Variants in RSPO2 observed in about 807,000 individuals in gnomAD.
RSPO2 encodes R-spondin 2.
RSPO2 carries 14 observed loss-of-function variants against 30.9 expected under a neutral mutation model. The ratio of observed to expected loss-of-function variants is 0.45; its 90% CI spans 0.30 to 0.71. RSPO2 has a LOEUF of 0.71. Ranked by LOEUF, RSPO2 falls within the 30% of genes least tolerant of loss-of-function variation. The pLI is 0.08. For missense variants in RSPO2, 264 were observed against 301.9 expected (o/e 0.87, Z 0.93); for synonymous variants, 107 against 96.4 (o/e 1.11, Z -0.64).
chr8:107,908,220 C>T (rs986309477), intron 5 of RSPO2, among the ~76,000 whole-genome samples: 1 of 152,064 alleles, frequency 6.6e-6, no homozygotes, highest in African/African-American at 2.4e-5. Flanking sequence ...TAAGAATATT[C>T]CATAACCTTT....
At chr8:108,059,885 G>A (rs1428310299) in intron 2 of RSPO2, among the ~76,000 whole-genome samples, 5 of 148,434 alleles carry the variant, frequency 3.4e-5, no homozygotes, top group Non-Finnish European at 4.4e-5. Flanking sequence ...ATAGCTTTAG[G>A]AGATATACCT....
intron 5 of RSPO2, among the ~76,000 whole-genome samples, chr8:107,911,559 G>T (rs946824287): frequency 1.3e-5 from 2 of 152,138 alleles, no homozygotes; most frequent in African/African-American, 2.4e-5. Flanking sequence ...TAAGGAAGGA[G>T]AATATGTATA....
rs1813243792 is a variant in RSPO2 at position 108,082,599 on chromosome 8, T to C, written c.40A>G (p.Asn14Asp). 6.2e-7 allele frequency: 1 copy of C among 1,613,996 alleles called. No individual in the cohort carries two copies. The highest frequency in any genetic ancestry group is 8.5e-7 in the Non-Finnish European group (1 of 1,180,020). Residue 14 changes from asparagine to aspartate, a missense_variant, in exon 2 of 6, where the codon AAC becomes GAC. Transcript: ENST00000276659. ...TGGCAGTGGCTGTAATCCATGCAGT[T>C]CAGAATGATGAGGGCAAAGGAGAAA... Reference protein sequence around the residue: ...RLFSFALIILNCMDYSHCQGN... With the variant: ...RLFSFALIILDCMDYSHCQGN...
At chr8:108,053,885 G>C (rs1433587339) in intron 2 of RSPO2, among the ~76,000 whole-genome samples, 2 of 152,114 alleles carry the variant, frequency 1.3e-5, no homozygotes, top group East Asian at 1.9e-4. Flanking sequence ...CTGGGCAGCA[G>C]AGCGAGATCC....
At chr8:107,925,683 C>A (rs2130325339) in intron 5 of RSPO2, among the ~76,000 whole-genome samples, 1 of 152,046 alleles carries the variant, frequency 6.6e-6, no homozygotes, top group Middle Eastern at 3.4e-3. Flanking sequence ...CAATAGTTTG[C>A]TGAGAATGAT....
At chr8:108,072,099 C>T (rs978836496) in intron 2 of RSPO2, among the ~76,000 whole-genome samples, 6 of 152,014 alleles carry the variant, frequency 3.9e-5, no homozygotes, top group African/African-American at 1.2e-4. Context: ...TCCTATGATT[C>T]GGTTAAACTT....
In RSPO2 at chr8:108,025,336, C is replaced by T. The variant is rs544406679; in HGVS notation, c.95-36092G>A. On this transcript the variant is annotated intron_variant, in intron 2 of 5. Coordinates refer to ENST00000276659, the MANE Select transcript of RSPO2 (RefSeq NM_178565.5). ...TAAAACACATTGTGCCAGAGAGAAC[C>T]GAAGTGTTCAAAGAATGATGGAACA... 8.2e-4 allele frequency among the ~76,000 whole-genome samples: 124 copies of T among 152,102 alleles called. 2 individuals carry two copies. The highest frequency in any genetic ancestry group is 3.4e-3 in the Middle Eastern group (1 of 294).
intron 5 of RSPO2, among the ~76,000 whole-genome samples, chr8:107,912,996 T>A (rs1189399272): frequency 6.6e-6 from 1 of 152,240 alleles, no homozygotes; most frequent in African/African-American, 2.4e-5. Context: ...TTCTTATTGA[T>A]ACATAAGAGC....
At chr8:107,988,945 T>C (rs1814745701) in intron 3 of RSPO2, 111 bp downstream of exon 3, 2 of 993,540 alleles carry the variant, frequency 2.0e-6, no homozygotes, top group Non-Finnish European at 2.9e-6. Context: ...ACTATTTCTA[T>C]CACCTATTAC....
At chr8:107,987,548 G>A (rs1814688994) in intron 3 of RSPO2, among the ~76,000 whole-genome samples, 1 of 152,144 alleles carries the variant, frequency 6.6e-6, no homozygotes, top group African/African-American at 2.4e-5. Context: ...GGACATGTTT[G>A]CTTATAACAG....
At chr8:107,966,022 A>G (rs1270229718) in intron 3 of RSPO2, among the ~76,000 whole-genome samples, 1 of 152,274 alleles carries the variant, frequency 6.6e-6, no homozygotes, top group South Asian at 2.1e-4. Context: ...GGCAATAGAG[A>G]AAATCCATAT....
intron 2 of RSPO2, 46 bp downstream of exon 2, chr8:108,082,499 G>A (rs1278159886): frequency 6.7e-7 from 1 of 1,481,884 alleles, no homozygotes; most frequent in South Asian, 1.1e-5. Context: ...GCCTCCACAC[G>A]CCACCCCTGA....
chr8:108,063,777 T>C lies in RSPO2; in HGVS notation c.94+18768A>G, dbSNP rs1046232500. Among the ~76,000 whole-genome samples, 849 of 151,434 alleles carry C rather than the reference T, an allele frequency of 5.6e-3. 21 individuals carry two copies. The highest frequency in any genetic ancestry group is 0.02 in the African/African-American group (806 of 40,798). On this transcript the variant is annotated intron_variant, in intron 2 of 5. Transcript: ENST00000276659. ...GGCATCACGCTACCTGACTTCAAAC[T>C]ATACTACAAGGCTACAGTAACCAAA...
At chr8:107,937,151 G>GTTT (rs149136012) in intron 5 of RSPO2, among the ~76,000 whole-genome samples, 20 of 107,762 alleles carry the variant, frequency 1.9e-4, no homozygotes, top group African/African-American at 5.1e-4. Context: ...TCCATCTTCA[G>GTTT]TTGTTTTTTT....
chr8:108,075,248 A>G (rs1303092520), intron 2 of RSPO2, among the ~76,000 whole-genome samples: 1 of 152,238 alleles, frequency 6.6e-6, no homozygotes, highest in Non-Finnish European at 1.5e-5. Flanking sequence ...TGGGAGGCCA[A>G]GGCGGGAGGA....
intron 2 of RSPO2, among the ~76,000 whole-genome samples, chr8:108,042,840 A>T (rs1811797995): frequency 6.6e-6 from 1 of 152,156 alleles, no homozygotes; most frequent in African/African-American, 2.4e-5. Flanking sequence ...GTTTGGAGTC[A>T]GGCCCAGCTT....
chr8:107,943,829 A>G (rs1812974136), intron 5 of RSPO2, among the ~76,000 whole-genome samples: 1 of 152,240 alleles, frequency 6.6e-6, no homozygotes, highest in Non-Finnish European at 1.5e-5. Context: ...CATGTAAAAG[A>G]CAAGAATACT....
intron 2 of RSPO2, among the ~76,000 whole-genome samples, chr8:108,052,074 C>A (rs1278985837): frequency 6.6e-6 from 1 of 152,134 alleles, no homozygotes; most frequent in Non-Finnish European, 1.5e-5. Context: ...TCTAAAATGA[C>A]TCATTCTCCC....
intron 2 of RSPO2, among the ~76,000 whole-genome samples, chr8:108,045,467 T>C (rs1395853023): frequency 6.6e-6 from 1 of 152,114 alleles, no homozygotes; most frequent in Non-Finnish European, 1.5e-5. Context: ...CCATTTTTAT[T>C]AAAATACATT....
Sources: gnomAD v4.1 joint callset for allele counts (sites outside exome capture counted in the v4.1 genomes callset) on GRCh38, gnomAD v4.1.1 for gene constraint, MANE v1.5 for transcripts, NCBI Gene and HGNC (gene_info 2026-07-23, HGNC 2026-07-21) for gene names.